Variants in CEACAM3 observed in about 807,000 individuals in gnomAD.
CEACAM3 encodes the protein cell adhesion molecule CEACAM3.
A neutral mutation model predicts 30.1 loss-of-function variants in CEACAM3; 32 were observed. The ratio of observed to expected loss-of-function variants is 1.06; its 90% CI spans 0.80 to 1.43. The LOEUF (loss-of-function observed/expected upper bound fraction) is 1.43. CEACAM3 is among the 40% of genes most tolerant of loss of function. The pLI is 0.00. For missense variants in CEACAM3, 290 were observed against 316.3 expected (o/e 0.92, Z 0.63); for synonymous variants, 134 against 127.2 (o/e 1.05, Z -0.36).
At position 41,808,901 on chromosome 19, in the gene CEACAM3, G is replaced by A; in HGVS notation, c.513G>A (p.Val171=). Reference sequence around the variant, plus strand: ...GAGTGGCGCTGGTGGCCGCGCTGGTGTGTTTCCTGCTCCTTGCCAAAACTG... The same window carrying A: ...GAGTGGCGCTGGTGGCCGCGCTGGTATGTTTCCTGCTCCTTGCCAAAACTG... ...LVGVALVAAL[V]CFLLLAKTGR... Residue 171 remains valine, a synonymous_variant, in exon 3 of 7, where the codon GTG becomes GTA. Coordinates refer to ENST00000357396, the MANE Select transcript of CEACAM3 (RefSeq NM_001815.5). 1 of 1,604,992 alleles carries A rather than the reference G, an allele frequency of 6.2e-7. No homozygotes were observed. The highest frequency in any genetic ancestry group is 2.3e-5 in the East Asian group (1 of 44,412).
intron 2 of CEACAM3, among the ~76,000 whole-genome samples, chr19:41,803,569 C>A (rs1157949695): frequency 6.6e-6 from 1 of 151,782 alleles, no homozygotes; most frequent in Non-Finnish European, 1.5e-5. Flanking sequence ...TGGGTTCACG[C>A]CATTCTCCTG....
chr19:41,801,860 A>T (rs192189085), intron 2 of CEACAM3, among the ~76,000 whole-genome samples: 2 of 152,326 alleles, frequency 1.3e-5, no homozygotes, highest in South Asian at 2.1e-4. Context: ...CAATTAGGGA[A>T]GTCACAAATC....
chr19:41,810,747 G>A, intron 5 of CEACAM3, 85 bp from the exon 6 acceptor site: 1 of 1,252,246 alleles, frequency 8.0e-7, no homozygotes, highest in Admixed American at 1.7e-5. Flanking sequence ...ATGACCAGAA[G>A]TAAACACAGA....
intron 2 of CEACAM3, among the ~76,000 whole-genome samples, chr19:41,802,408 C>T (rs1357131872): frequency 6.6e-6 from 1 of 152,194 alleles, no homozygotes; most frequent in Non-Finnish European, 1.5e-5. Flanking sequence ...TTAATTGCCC[C>T]GCATATTGGA....
chr19:41,803,745 C>CCCG (rs2073175416), intron 2 of CEACAM3, among the ~76,000 whole-genome samples: 1 of 85,156 alleles, frequency 1.2e-5, no homozygotes, highest in South Asian at 5.9e-4. Flanking sequence ...GGATTACAGG[C>CCCG]ATGAGCCACC....
intron 2 of CEACAM3, among the ~76,000 whole-genome samples, chr19:41,802,008 C>T (rs1252443460): frequency 6.6e-6 from 1 of 152,154 alleles, no homozygotes; most frequent in Admixed American, 6.5e-5. Flanking sequence ...GAATTTTTCC[C>T]ATGGTTAGCC....
chr19:41,811,431 G>C lies in CEACAM3; in HGVS notation c.*194G>C. Reference sequence around the variant, plus strand: ...CCTCGACAGCCTGCCCTAGGCCCTGGGTGGGTCAGGACAAAGGCCTCTCAT... The same window carrying C: ...CCTCGACAGCCTGCCCTAGGCCCTGCGTGGGTCAGGACAAAGGCCTCTCAT... On this transcript the variant is annotated 3_prime_UTR_variant, in exon 7 of 7. Transcript: ENST00000357396. 1 of 595,110 alleles carries C rather than the reference G, an allele frequency of 1.7e-6. No homozygotes were observed. The highest frequency in any genetic ancestry group is 3.0e-6 in the Non-Finnish European group (1 of 333,086). The allele number at this position is 595,110 out of a possible 1,614,324, so 36.9% of individuals were successfully genotyped here.
intron 6 of CEACAM3, 69 bp downstream of exon 6, chr19:41,810,966 TC>T: frequency 7.0e-7 from 1 of 1,438,314 alleles, no homozygotes; most frequent in Non-Finnish European, 9.7e-7. Context: ...CCTACTGGCA[TC>T]GGCTGAGCTC....
At chr19:41,803,749 A>AATGTGAAATACCGAACCCAGTGGGT in intron 2 of CEACAM3, among the ~76,000 whole-genome samples, 1 of 149,370 alleles carries the variant, frequency 6.7e-6, no homozygotes, top group Non-Finnish European at 1.5e-5. Flanking sequence ...TACAGGCATG[A>AATGTGAAATACCGAACCCAGTGGGT]GCCACCATGC....
chr19:41,810,758 GAAGTA>G (rs1278868488), intron 5 of CEACAM3, 69 bp from the exon 6 acceptor site: 3 of 1,309,414 alleles, frequency 2.3e-6, no homozygotes, highest in Non-Finnish European at 3.3e-6. Flanking sequence ...TAAACACAGA[GAAGTA>G]AATCCTGGCC....
In CEACAM3 at chr19:41,811,517, CT is replaced by C; in HGVS notation, c.*282del. The C allele has an allele frequency of 2.2e-6, 1 of 448,246 alleles. No homozygotes were observed. The highest frequency in any genetic ancestry group is 4.1e-6 in the Non-Finnish European group (1 of 242,810). 27.8% of individuals were successfully genotyped at this position (448,246 alleles called of 1,614,324 possible). On this transcript the variant is annotated 3_prime_UTR_variant, in exon 7 of 7. Coordinates refer to ENST00000357396, the MANE Select transcript of CEACAM3 (RefSeq NM_001815.5). ...TGGGCCTGTGGCCCACCTGGGGTCACTTGGAAAGGATCTGAATAAAGGGGAC... is the reference window on the plus strand; with the variant it reads ...TGGGCCTGTGGCCCACCTGGGGTCACTGGAAAGGATCTGAATAAAGGGGAC...
chr19:41,803,120 T>C (rs1555826202), intron 2 of CEACAM3, among the ~76,000 whole-genome samples: 16 of 152,098 alleles, frequency 1.1e-4, no homozygotes. Flanking sequence ...CAGACTCAGA[T>C]GTGGCAGGGA....
chr19:41,805,934 C>T (rs1463748009), intron 2 of CEACAM3, among the ~76,000 whole-genome samples: 1 of 152,206 alleles, frequency 6.6e-6, no homozygotes, highest in Non-Finnish European at 1.5e-5. Flanking sequence ...TGGTTCTGCT[C>T]CAAAGCCACC....
intron 5 of CEACAM3, among the ~76,000 whole-genome samples, 199 bp from the exon 6 acceptor site, chr19:41,810,633 A>G (rs1286257595): frequency 6.6e-6 from 1 of 152,134 alleles, no homozygotes; most frequent in Non-Finnish European, 1.5e-5. Context: ...AGGGGCCCAC[A>G]TTAACAAGGG....
At chr19:41,810,416 A>G in intron 5 of CEACAM3, 62 bp downstream of exon 5, 2 of 1,512,074 alleles carry the variant, frequency 1.3e-6, no homozygotes, top group Non-Finnish European at 1.8e-6. Context: ...CTCTGGGCAG[A>G]GGGACCATCA....
In CEACAM3 at chr19:41,808,970, C is replaced by A. The variant is rs781885583; in HGVS notation, c.542+40C>A. ...TCCCATCCTTCTCCCACCCCCTAGGCTGACTCCAGGCCAAAAGAAAGGAGA... is the reference window on the plus strand; with the variant it reads ...TCCCATCCTTCTCCCACCCCCTAGGATGACTCCAGGCCAAAAGAAAGGAGA... On this transcript the variant is annotated intron_variant, in intron 3 of 6. Transcript: ENST00000357396. 19 of 1,422,942 alleles carry A rather than the reference C, an allele frequency of 1.3e-5. No homozygotes were observed. The East Asian group carries it at 4.4e-4, about 33-fold the overall frequency. The allele number at this position is 1,422,942 out of a possible 1,614,324, so 88.1% of individuals were successfully genotyped here.
Position 41,799,953 on chromosome 19 carries a change from T to C in CEACAM3, c.424+2005T>C, listed in dbSNP as rs369297700. On this transcript the variant is annotated intron_variant, in intron 2 of 6. Transcript: ENST00000357396. Reference sequence around the variant, plus strand: ...ATGGGACTCTGGCACAGCTCACCTGTGGGAAGGTTTTCAGGTCTCCCTGGT... The same window carrying C: ...ATGGGACTCTGGCACAGCTCACCTGCGGGAAGGTTTTCAGGTCTCCCTGGT... 5.3e-5 allele frequency among the ~76,000 whole-genome samples: 8 copies of C among 152,152 alleles called. No homozygotes were observed. In the East Asian group the frequency reaches 9.7e-4, roughly 18 times the overall value.
At chr19:41,797,218 C>A in intron 1 of CEACAM3, 1 of 268,202 alleles carries the variant, frequency 3.7e-6, no homozygotes, top group South Asian at 6.7e-5. Flanking sequence ...CCAAAGAGAT[C>A]TAGAATGTGA....
chr19:41,797,521 A>AC, intron 1 of CEACAM3, 68 bp from the exon 2 acceptor site: 1 of 1,554,826 alleles, frequency 6.4e-7, no homozygotes, highest in Non-Finnish European at 8.7e-7. Flanking sequence ...CTCTCTCAGG[A>AC]CCCAGGGCCC....
Sources: allele counts gnomAD v4.1 joint callset (sites outside exome capture counted in the v4.1 genomes callset), GRCh38; gene constraint gnomAD v4.1.1; transcripts MANE v1.5; gene names NCBI Gene and HGNC (gene_info 2026-07-23, HGNC 2026-07-21).